LPA: variants seen among roughly 807,000 people sequenced by gnomAD.
LPA encodes the protein lipoprotein(a).
In LPA, 199 loss-of-function variants were observed where a neutral mutation model predicts 197.9. The observed-to-expected ratio is 1.01, with a 90% CI of 0.90 to 1.13. The LOEUF (loss-of-function observed/expected upper bound fraction) is 1.13. LPA is among the 50% of genes most tolerant of loss of function. The pLI is 0.00. For missense variants in LPA, 1,853 were observed against 1,785.8 expected (o/e 1.04, Z -0.68); for synonymous variants, 715 against 639.5 (o/e 1.12, Z -1.78).
intron 2 of LPA, among the ~76,000 whole-genome samples, chr6:160,646,880 C>CACGTA (rs1779891797): frequency 6.6e-6 from 1 of 151,420 alleles, no homozygotes. Flanking sequence ...GAAAACATGG[C>CACGTA]ATCAAGGAGG....
intron 26 of LPA, 43 bp from the exon 27 acceptor site, chr6:160,578,747 T>G (rs374543913): frequency 7.4e-5 from 120 of 1,613,134 alleles, no homozygotes; most frequent in Middle Eastern, 3.6e-4. Flanking sequence ...GATGGGAGAA[T>G]ATTCAAGGGC....
intron 1 of LPA, among the ~76,000 whole-genome samples, chr6:160,660,205 G>A (rs1780201952): frequency 7.8e-6 from 1 of 127,914 alleles, no homozygotes; most frequent in African/African-American, 3.3e-5. Flanking sequence ...TATCTCTTAG[G>A]AATTTCTCCT....
Position 160,594,012 on chromosome 6 carries a change from C to A in LPA, c.3575G>T (p.Trp1192Leu). Reference sequence around the variant, plus strand: ...ATGCCAGTGTGGTGTCATAGAGGACCAAGACTGACATGTCCTTCCTGTGAC... The same window carrying A: ...ATGCCAGTGTGGTGTCATAGAGGACAAAGACTGACATGTCCTTCCTGTGAC... ...TTVTGRTCQS[W>L]SSMTPHWHQR... The change falls in exon 22 of 39, where the codon TGG (tryptophan) becomes TTG (leucine). Residue 1192 changes from tryptophan (W) to leucine (L), a missense_variant. Around this residue, in one of 3 missense-constraint regions of LPA, gnomAD observed 1,737 missense variants for 1,504.4 expected, o/e 1.15. Coordinates refer to ENST00000316300, the MANE Select transcript of LPA (RefSeq NM_005577.4). 1 of 1,613,922 alleles carries A rather than the reference C, an allele frequency of 6.2e-7. No homozygotes were observed. The highest frequency in any genetic ancestry group is 8.5e-7 in the Non-Finnish European group (1 of 1,179,876).
chr6:160,536,275 T>C (rs891501755), intron 37 of LPA, among the ~76,000 whole-genome samples: 7 of 152,204 alleles, frequency 4.6e-5, no homozygotes, highest in African/African-American at 1.7e-4. Flanking sequence ...CATGTGAGCC[T>C]GAAAACTTTG....
In LPA at chr6:160,577,176, G is replaced by T; in HGVS notation, c.4591C>A (p.Pro1531Thr). 2.5e-6 allele frequency: 4 copies of T among 1,613,856 alleles called. No homozygotes were observed. The highest frequency in any genetic ancestry group is 2.5e-6 in the Non-Finnish European group (3 of 1,179,834). Residue 1531 changes from proline (P) to threonine (T), a missense_variant, in exon 28 of 39, where the codon CCA becomes ACA. By Grantham distance (38) the Pro-to-Thr change is conservative. Around this residue, in one of 3 missense-constraint regions of LPA, gnomAD observed 1,737 missense variants for 1,504.4 expected, o/e 1.15. Transcript: ENST00000316300. ...TCTGGGGTCCTCTGATGCCAGTGTGGTATCATAGATGACCAAGATTGACAG... is the reference window on the plus strand; with the variant it reads ...TCTGGGGTCCTCTGATGCCAGTGTGTTATCATAGATGACCAAGATTGACAG... ...RTCQSWSSMIPHWHQRTPENY... is the reference protein window; with the variant it reads ...RTCQSWSSMITHWHQRTPENY...
At chr6:160,562,558 G>A (rs1332022604) in intron 28 of LPA, among the ~76,000 whole-genome samples, 5 of 152,154 alleles carry the variant, frequency 3.3e-5, no homozygotes, top group Admixed American at 3.3e-4. Context: ...GCCAGGTTTT[G>A]GTATCAGAAT....
intron 28 of LPA, among the ~76,000 whole-genome samples, chr6:160,573,174 G>T (rs1290505100): frequency 6.6e-6 from 1 of 152,080 alleles, no homozygotes; most frequent in African/African-American, 2.4e-5. Context: ...TTAATTTGAA[G>T]TCCTTGTCTT....
At chr6:160,550,704 T>C (rs1421533312) in intron 30 of LPA, among the ~76,000 whole-genome samples, 1 of 152,238 alleles carries the variant, frequency 6.6e-6, no homozygotes, top group Non-Finnish European at 1.5e-5. Flanking sequence ...TCTCTTCCCA[T>C]GGCCAGAGGC....
intron 1 of LPA, among the ~76,000 whole-genome samples, chr6:160,656,285 G>A (rs541243489): frequency 1.3e-5 from 2 of 152,272 alleles, no homozygotes; most frequent in South Asian, 2.1e-4. Flanking sequence ...TATTTTTCTA[G>A]GTAGAGACAG....
At chr6:160,660,214 C>G (rs957221301) in intron 1 of LPA, among the ~76,000 whole-genome samples, 23 of 133,040 alleles carry the variant, frequency 1.7e-4, no homozygotes, top group African/African-American at 7.1e-4. Context: ...GGAATTTCTC[C>G]TTTGCCCTCT....
At chr6:160,577,350 G>A in intron 27 of LPA, 55 bp from the exon 28 acceptor site, 1 of 1,543,328 alleles carries the variant, frequency 6.5e-7, no homozygotes, top group South Asian at 1.1e-5. Flanking sequence ...AGAGAAACAT[G>A]GGAGACAATT....
In LPA at chr6:160,595,458, C is replaced by T; in HGVS notation, c.3365G>A (p.Arg1122Lys). ...TTGTGTCAGGTTGCAGTACTCCCAC[C>T]TGACACTGGGATCCATGGTGTAACA... ...PWCYTMDPSV[R>K]WEYCNLTQCL... The change falls in exon 21 of 39, where the codon AGG becomes AAG. Residue 1122 changes from arginine to lysine, a missense_variant. Arg to Lys is a conservative substitution (Grantham distance 26). Transcript: ENST00000316300. 1 of 1,613,896 alleles carries T rather than the reference C, an allele frequency of 6.2e-7. No homozygotes were observed. The highest frequency in any genetic ancestry group is 8.5e-7 in the Non-Finnish European group (1 of 1,179,928).
intron 1 of LPA, among the ~76,000 whole-genome samples, chr6:160,652,122 G>GAA (rs144548181): frequency 7.6e-6 from 1 of 132,288 alleles, no homozygotes; most frequent in African/African-American, 2.7e-5. Context: ...AGAGAGAAGT[G>GAA]AAAAAAAAAA....
intron 20 of LPA, among the ~76,000 whole-genome samples, chr6:160,597,228 G>A (rs1463256087): frequency 2.0e-5 from 3 of 152,180 alleles, no homozygotes; most frequent in Non-Finnish European, 4.4e-5. Context: ...ATTTGTTCTA[G>A]CCTGTTGTGT....
At chr6:160,602,588 C>T (rs7769720) in intron 18 of LPA, among the ~76,000 whole-genome samples, 60,986 of 152,016 alleles carry the variant, frequency 0.4, 12,542 homozygotes, top group African/African-American at 0.49. Context: ...TTCTTCATTA[C>T]GTGGGCTGCA....
chr6:160,565,365 A>G (rs1425362883), intron 28 of LPA, among the ~76,000 whole-genome samples: 1 of 152,182 alleles, frequency 6.6e-6, no homozygotes, highest in Non-Finnish European at 1.5e-5. Flanking sequence ...GCTGTTCTGT[A>G]ATATTTGCTG....
At chr6:160,569,950 A>G (rs553489866) in intron 28 of LPA, among the ~76,000 whole-genome samples, 42 of 152,192 alleles carry the variant, frequency 2.8e-4, no homozygotes, top group Non-Finnish European at 5.0e-4. Context: ...ATCTCATACC[A>G]GTTAGAATGG....
intron 1 of LPA, among the ~76,000 whole-genome samples, chr6:160,654,770 GAAATA>G (rs367703592): frequency 2.1e-3 from 319 of 152,240 alleles, no homozygotes; most frequent in Non-Finnish European, 3.9e-3. Flanking sequence ...AAAAATAAAG[GAAATA>G]AAATAAAGAT....
In LPA at chr6:160,599,595, G is replaced by A. The variant is rs1562338783; in HGVS notation, c.3192C>T (p.Gly1064=). The change falls in exon 20 of 39, where the codon GGC becomes GGT. Residue 1064 remains glycine (G), a synonymous_variant. Coordinates refer to ENST00000316300, the MANE Select transcript of LPA (RefSeq NM_005577.4). ...CYYHYGQSYR[G]TYSTTVTGRT... ...TTCCTGTGACAGTGGTGGAGTATGTGCCTCGGTAACTCTGTCCATAATGGT... is the reference window on the plus strand; with the variant it reads ...TTCCTGTGACAGTGGTGGAGTATGTACCTCGGTAACTCTGTCCATAATGGT... 6.2e-7 allele frequency: 1 copy of A among 1,614,112 alleles called. No individual in the cohort carries two copies.
Sources: allele counts gnomAD v4.1 joint callset (sites outside exome capture counted in the v4.1 genomes callset), GRCh38; gene constraint gnomAD v4.1.1; regional missense constraint gnomAD v4.1.1; transcripts MANE v1.5; gene names NCBI Gene and HGNC (gene_info 2026-07-23, HGNC 2026-07-21).